SATB2: variants seen among roughly 807,000 people sequenced by gnomAD.
SATB2 encodes the protein DNA-binding protein SATB2.
A neutral mutation model predicts 73.4 loss-of-function variants in SATB2; 1 was observed. That is an observed-to-expected ratio of 0.01 (90% CI 0.00 to 0.06). SATB2 has a LOEUF of 0.06. Ranked by LOEUF, SATB2 falls within the 10% of genes least tolerant of loss-of-function variation. The pLI is 1.00. For missense variants in SATB2, 459 were observed against 945.8 expected (o/e 0.49, Z 6.75); for synonymous variants, 397 against 367.0 (o/e 1.08, Z -0.93).
In SATB2 at chr2:199,313,268, A is replaced by G. The variant is rs528963164; in HGVS notation, c.1543-4311T>C. On this transcript the variant is annotated intron_variant, in intron 9 of 10. Transcript: ENST00000417098. ...TGAGTCTAAAATTAGTTCAAAATAA[A>G]AAGTTTTTTTTAGATACAGGAAATT... is the stretch of plus-strand genomic sequence containing the variant. Among the ~76,000 whole-genome samples, 8 of 152,328 alleles carry G rather than the reference A, an allele frequency of 5.3e-5. No individual in the cohort carries two copies. In the South Asian group the frequency reaches 1.7e-3, roughly 32 times the overall value.
In SATB2 at chr2:199,273,727, GT is replaced by G. The variant is rs973508135; in HGVS notation, c.1741-1056del. Among the ~76,000 whole-genome samples the G allele has an allele frequency of 4.6e-5, 7 of 151,704 alleles. No individual in the cohort carries two copies. The South Asian group carries it at 8.3e-4, about 18-fold the overall frequency. ...TTTGCATATACTTTGTAATTTCTGGGTTTTTTTTCTCCTAATGTTAAAGTTT... is the reference window on the plus strand; with the variant it reads ...TTTGCATATACTTTGTAATTTCTGGGTTTTTTTCTCCTAATGTTAAAGTTT... On this transcript the variant is annotated intron_variant, in intron 10 of 10. Coordinates refer to ENST00000417098, the MANE Select transcript of SATB2 (RefSeq NM_001172509.2).
At chr2:199,414,893 G>C (rs541098539) in intron 3 of SATB2, among the ~76,000 whole-genome samples, 17 of 152,240 alleles carry the variant, frequency 1.1e-4, no homozygotes, top group African/African-American at 2.6e-4. Flanking sequence ...GTGGTAAGAG[G>C]GGGTGAATGG....
chr2:199,444,137 T>A (rs1252486778), intron 2 of SATB2, among the ~76,000 whole-genome samples: 2 of 152,002 alleles, frequency 1.3e-5, no homozygotes, highest in African/African-American at 4.8e-5. Flanking sequence ...ATAATTTATA[T>A]AATTTCCAAA....
chr2:199,307,680 AATG>A (rs1404715568), intron 10 of SATB2, among the ~76,000 whole-genome samples: 1 of 152,192 alleles, frequency 6.6e-6, no homozygotes, highest in African/African-American at 2.4e-5. Context: ...TGGCAGAGAT[AATG>A]ATATTTAGAT....
chr2:199,360,324 T>C (rs1447732275), intron 6 of SATB2, among the ~76,000 whole-genome samples: 1 of 152,160 alleles, frequency 6.6e-6, no homozygotes, highest in East Asian at 1.9e-4. Flanking sequence ...TTTTATTCTG[T>C]TTCTGGGCAG....
chr2:199,385,774 A>G (rs1689912958), intron 3 of SATB2, among the ~76,000 whole-genome samples: 3 of 152,120 alleles, frequency 2.0e-5, no homozygotes, highest in Admixed American at 6.5e-5. Flanking sequence ...TGAATGCCTG[A>G]CTCAGTAGCA....
At chr2:199,467,670 A>C (rs1015021884), upstream of SATB2, among the ~76,000 whole-genome samples, 28 of 152,152 alleles carry the variant, frequency 1.8e-4, no homozygotes, top group African/African-American at 6.3e-4. Context: ...CTTTGGAAGA[A>C]TCCCCACCAC....
intron 6 of SATB2, among the ~76,000 whole-genome samples, chr2:199,365,326 C>T (rs903003247): frequency 6.6e-6 from 1 of 151,812 alleles, no homozygotes; most frequent in African/African-American, 2.4e-5. Flanking sequence ...CTGTCTAAAC[C>T]AACCTACCAC....
At chr2:199,372,701 G>A (rs1403473609) in intron 5 of SATB2, among the ~76,000 whole-genome samples, 3 of 152,028 alleles carry the variant, frequency 2.0e-5, no homozygotes, top group African/African-American at 4.8e-5. Context: ...CTCCATCAGC[G>A]ACCCCAAGCT....
rs1241573927 is a variant in SATB2, at chr2:199,442,455, C to T, written c.170-8941G>A. Among the ~76,000 whole-genome samples, 3 of 152,256 alleles carry T rather than the reference C, an allele frequency of 2.0e-5. No individual in the cohort carries two copies. In the East Asian group the frequency reaches 5.8e-4, roughly 29 times the overall value. On this transcript the variant is annotated intron_variant, in intron 2 of 10. Coordinates refer to ENST00000417098, the MANE Select transcript of SATB2 (RefSeq NM_001172509.2). ...ATGCTCTGTATACACCCTAGAGCCA[C>T]GGGGGTCTTGTCGGCAGTCCTACCC...
At chr2:199,374,234 A>G (rs144967681) in intron 5 of SATB2, among the ~76,000 whole-genome samples, 99 of 152,358 alleles carry the variant, frequency 6.5e-4, no homozygotes, top group African/African-American at 2.1e-3. Flanking sequence ...ATTCAGCAAC[A>G]AAGTCTCAGC....
At chr2:199,312,868 T>C (rs1687633249) in intron 9 of SATB2, among the ~76,000 whole-genome samples, 1 of 151,728 alleles carries the variant, frequency 6.6e-6, no homozygotes, top group Admixed American at 6.6e-5. Flanking sequence ...CATGAGAAAA[T>C]ATCAAACAAA....
intron 9 of SATB2, among the ~76,000 whole-genome samples, chr2:199,316,616 A>G (rs534088214): frequency 6.6e-6 from 1 of 152,190 alleles, no homozygotes; most frequent in South Asian, 2.1e-4. Context: ...TGAGTCTGTA[A>G]TTGAGAGTAA....
chr2:199,414,991 G>A (rs1445532500), intron 3 of SATB2, among the ~76,000 whole-genome samples: 2 of 152,150 alleles, frequency 1.3e-5, no homozygotes, highest in Non-Finnish European at 2.9e-5. Context: ...CACTGAAGAA[G>A]CATGAAGTTC....
chr2:199,345,375 A>G (rs1353377714), intron 7 of SATB2, among the ~76,000 whole-genome samples: 1 of 151,552 alleles, frequency 6.6e-6, no homozygotes, highest in East Asian at 2.0e-4. Context: ...TGCACTCATT[A>G]GCTCGTCATT....
intron 10 of SATB2, among the ~76,000 whole-genome samples, chr2:199,286,137 A>G (rs1258508456): frequency 1.6e-4 from 2 of 12,328 alleles, no homozygotes; most frequent in African/African-American, 1.9e-4. Context: ...AGTTTGGGGA[A>G]AAAAAAAAAA....
intron 3 of SATB2, among the ~76,000 whole-genome samples, chr2:199,407,470 A>T (rs185714775): frequency 6.6e-6 from 1 of 152,234 alleles, no homozygotes; most frequent in East Asian, 1.9e-4. Flanking sequence ...AGGAATCTCT[A>T]AGAATCTTAT....
intron 3 of SATB2, 37 bp from the exon 4 acceptor site, chr2:199,381,857 G>A: frequency 6.2e-7 from 1 of 1,609,320 alleles, no homozygotes; most frequent in Non-Finnish European, 8.5e-7. Flanking sequence ...ACACATATCT[G>A]CTATTTATTA....
At chr2:199,461,338 A>G (rs1692471776), upstream of SATB2, among the ~76,000 whole-genome samples, 1 of 152,190 alleles carries the variant, frequency 6.6e-6, no homozygotes, top group African/African-American at 2.4e-5. Flanking sequence ...TTCGACAATA[A>G]GATATATTTT....
Sources: allele counts gnomAD v4.1 joint callset (sites outside exome capture counted in the v4.1 genomes callset), GRCh38; gene constraint gnomAD v4.1.1; transcripts MANE v1.5; gene names NCBI Gene and HGNC (gene_info 2026-07-23, HGNC 2026-07-21).